RINT1: variants seen among roughly 807,000 people sequenced by gnomAD.
The protein encoded by RINT1 is RAD50-interacting protein 1.
Under a neutral mutation model 97.7 loss-of-function variants are expected in RINT1, and 75 were observed. That is an observed-to-expected ratio of 0.77 (90% CI 0.64 to 0.93). RINT1 has a LOEUF of 0.93. Ranked by LOEUF, RINT1 falls within the 40% of genes least tolerant of loss-of-function variation. The pLI is 0.00. For synonymous variants in RINT1, 303 were observed against 326.3 expected (o/e 0.93, Z 0.77); for missense variants, 892 against 925.2 (o/e 0.96, Z 0.47).
At chr7:105,540,570 G>C (rs1429317195) in intron 3 of RINT1, among the ~76,000 whole-genome samples, 1 of 151,918 alleles carries the variant, frequency 6.6e-6, no homozygotes, top group Admixed American at 6.6e-5. Context: ...CTGAATTTTT[G>C]TATTTTTAGT....
At chr7:105,539,345 C>A (rs1383366209) in intron 3 of RINT1, among the ~76,000 whole-genome samples, 1 of 146,460 alleles carries the variant, frequency 6.8e-6, no homozygotes, top group Non-Finnish European at 1.5e-5. Flanking sequence ...TCCATCCCAT[C>A]TTTCCCACTC....
At chr7:105,547,874 T>C (rs1790742267) in intron 6 of RINT1, among the ~76,000 whole-genome samples, 1 of 151,804 alleles carries the variant, frequency 6.6e-6, no homozygotes, top group Non-Finnish European at 1.5e-5. Context: ...ATTACAGGCG[T>C]GCACCACTAT....
At chr7:105,564,002 T>A in intron 12 of RINT1, 55 bp downstream of exon 12, 1 of 1,303,344 alleles carries the variant, frequency 7.7e-7, no homozygotes. Flanking sequence ...AGTTAAAGAA[T>A]ATGTGGTCAG....
intron 2 of RINT1, chr7:105,535,517 C>T: frequency 2.3e-6 from 1 of 441,430 alleles, no homozygotes; most frequent in Non-Finnish European, 4.5e-6. Context: ...CCTGAGCCAC[C>T]TCGCCCAGCC....
intron 11 of RINT1, among the ~76,000 whole-genome samples, chr7:105,558,504 C>T (rs2133439957): frequency 6.6e-6 from 1 of 152,226 alleles, no homozygotes; most frequent in East Asian, 1.9e-4. Flanking sequence ...AGAACATCAT[C>T]AACTGCTTTA....
intron 4 of RINT1, 98 bp from the exon 5 acceptor site, chr7:105,546,812 T>G (rs67661063): frequency 0.26 from 206,799 of 783,490 alleles, 29,630 homozygotes; most frequent in African/African-American, 0.49. Context: ...GGACACAGAA[T>G]TTGCATTGAG....
At chr7:105,536,180 A>G (rs1276692830) in intron 2 of RINT1, among the ~76,000 whole-genome samples, 1 of 151,734 alleles carries the variant, frequency 6.6e-6, no homozygotes, top group Non-Finnish European at 1.5e-5. Flanking sequence ...GTTTTTTGAT[A>G]CAGAGTCTGT....
At chr7:105,564,151 G>T (rs370490511) in intron 12 of RINT1, among the ~76,000 whole-genome samples, 9 of 152,046 alleles carry the variant, frequency 5.9e-5, no homozygotes, top group Non-Finnish European at 1.2e-4. Context: ...GCAGTTGCAC[G>T]ATCTTGGCTC....
Position 105,563,970 on chromosome 7 carries a change from C to T in RINT1, c.1886+23C>T, listed in dbSNP as rs749930363. On this transcript the variant is annotated intron_variant, in intron 12 of 14. Coordinates refer to ENST00000257700, the MANE Select transcript of RINT1 (RefSeq NM_021930.6). Reference sequence around the variant, plus strand: ...AAGGTATGTCCTCTATGTAAGTCAGCTCTTAACACCAGTTTGGTAAAAGTT... The same window carrying T: ...AAGGTATGTCCTCTATGTAAGTCAGTTCTTAACACCAGTTTGGTAAAAGTT... The T allele has an allele frequency of 3.3e-6, 5 of 1,518,656 alleles. No individual in the cohort carries two copies. The Middle Eastern group carries it at 5.2e-4, about 158-fold the overall frequency. The allele number at this position is 1,518,656 out of a possible 1,614,324, so 94.1% of individuals were successfully genotyped here. A position where few individuals can be genotyped will look rare whatever the true frequency, so the allele number is the denominator to read the frequency against.
In RINT1 at chr7:105,563,815, C is replaced by T; in HGVS notation, c.1754C>T (p.Ala585Val). 6.2e-7 allele frequency: 1 copy of T among 1,614,018 alleles called. No homozygotes were observed. Among genetic ancestry groups the T allele is most frequent in the Non-Finnish European group, 8.5e-7 (1 of 1,179,898 alleles). The change falls in exon 12 of 15, where the codon GCC (alanine) becomes GTC (valine). Residue 585 changes from alanine to valine, a missense_variant. Transcript: ENST00000257700. Reference sequence around the variant, plus strand: ...AGTAAATTGCAGCTAGGACAGCTAGCCTCTATGGAGAGCTCTGTCTTTGAT... The same window carrying T: ...AGTAAATTGCAGCTAGGACAGCTAGTCTCTATGGAGAGCTCTGTCTTTGAT... ...TLSKLQLGQL[A>V]SMESSVFDDM...
chr7:105,562,656 TG>T (rs1791488919), intron 11 of RINT1, among the ~76,000 whole-genome samples: 2 of 152,052 alleles, frequency 1.3e-5, no homozygotes, highest in Non-Finnish European at 2.9e-5. Flanking sequence ...CCCAGAACTT[TG>T]GGAGGCTGAG....
At chr7:105,547,830 C>T (rs977569100) in intron 6 of RINT1, among the ~76,000 whole-genome samples, 9 of 150,040 alleles carry the variant, frequency 6.0e-5, no homozygotes, top group South Asian at 2.1e-4. Flanking sequence ...CGGGTTCAAG[C>T]GATTCTCCTG....
At chr7:105,534,614 C>T (rs1790155351) in intron 2 of RINT1, among the ~76,000 whole-genome samples, 2 of 150,648 alleles carry the variant, frequency 1.3e-5, no homozygotes, top group Admixed American at 6.6e-5. Context: ...CCATTTATAA[C>T]CTTGAGATAT....
In RINT1 at chr7:105,565,304, G is replaced by A. The variant is rs1791659155; in HGVS notation, c.1914G>A (p.Glu638=). ...GGTTGTCCTTGCCATCTCAGTCAGA[G>A]CAGGCAGTGATGTCCCTGTCCAGTT... ...ERWLSLPSQS[E]QAVMSLSSSA... Residue 638 remains glutamate (E), a synonymous_variant, in exon 13 of 15, where the codon GAG becomes GAA. Transcript: ENST00000257700. The A allele has an allele frequency of 1.9e-6, 3 of 1,612,386 alleles. No homozygotes were observed. Among genetic ancestry groups the A allele is most frequent in the Admixed American group, 1.7e-5 (1 of 59,928 alleles).
At position 105,563,807 on chromosome 7, in the gene RINT1, A is replaced by G. The variant is rs951771530; in HGVS notation, c.1746A>G (p.Gly582=). The part of the protein sequence containing the change: ...ENNTLSKLQL[G]QLASMESSVF... The stretch of plus-strand genomic sequence containing the variant: ...ATACTCTGAGTAAATTGCAGCTAGG[A>G]CAGCTAGCCTCTATGGAGAGCTCTG... The change falls in exon 12 of 15, where the codon GGA becomes GGG. Residue 582 remains glycine, a synonymous_variant. Transcript: ENST00000257700. 3 of 1,614,072 alleles carry G rather than the reference A, an allele frequency of 1.9e-6. No homozygotes were observed. In the South Asian group the frequency reaches 3.3e-5, roughly 18 times the overall value.
At chr7:105,563,669 T>C (rs1791545088) in intron 11 of RINT1, 64 bp from the exon 12 acceptor site, 14 of 1,321,240 alleles carry the variant, frequency 1.1e-5, no homozygotes, top group African/African-American at 2.9e-5. Context: ...GTATGACATA[T>C]GAATTCTATT....
At chr7:105,558,524 A>G (rs756206424) in intron 11 of RINT1, among the ~76,000 whole-genome samples, 6 of 152,158 alleles carry the variant, frequency 3.9e-5, no homozygotes, top group East Asian at 1.9e-4. Context: ...ACTTGGTGCT[A>G]TAGTCTGTTT....
chr7:105,537,351 A>G (rs916321085), intron 3 of RINT1, among the ~76,000 whole-genome samples: 3 of 151,708 alleles, frequency 2.0e-5, no homozygotes, highest in Non-Finnish European at 4.4e-5. Flanking sequence ...GCTGGTCTTG[A>G]ACTCCTGACC....
intron 6 of RINT1, among the ~76,000 whole-genome samples, chr7:105,548,004 G>A (rs1297130737): frequency 6.6e-6 from 1 of 152,010 alleles, no homozygotes; most frequent in Non-Finnish European, 1.5e-5. Flanking sequence ...TGGGATTACA[G>A]GTGAGAGCCA....
Sources: gnomAD v4.1 joint callset for allele counts (sites outside exome capture counted in the v4.1 genomes callset) on GRCh38, gnomAD v4.1.1 for gene constraint, MANE v1.5 for transcripts, NCBI Gene and HGNC (gene_info 2026-07-23, HGNC 2026-07-21) for gene names.